Variants in TAF8 observed in about 807,000 individuals in gnomAD.
TAF8 encodes transcription initiation factor TFIID subunit 8.
Under a neutral mutation model 36.5 loss-of-function variants are expected in TAF8, and 47 were observed. The ratio of observed to expected loss-of-function variants is 1.29; its 90% CI spans 1.02 to 1.64. The LOEUF (loss-of-function observed/expected upper bound fraction) is 1.64. TAF8 is among the 40% of genes most tolerant of loss of function. TAF8 has a pLI of 0.00. For missense variants in TAF8, 420 were observed against 407.6 expected (o/e 1.03, Z -0.26); for synonymous variants, 175 against 159.5 (o/e 1.10, Z -0.73).
chr6:42,061,920 G>A (rs974330940), intron 5 of TAF8, among the ~76,000 whole-genome samples: 3 of 152,106 alleles, frequency 2.0e-5, no homozygotes, highest in Non-Finnish European at 4.4e-5. Flanking sequence ...CATTCGTTTA[G>A]CCAAAATGAT....
At chr6:42,068,204 A>C (rs1243240164) in intron 6 of TAF8, among the ~76,000 whole-genome samples, 1 of 152,226 alleles carries the variant, frequency 6.6e-6, no homozygotes, top group Non-Finnish European at 1.5e-5. Flanking sequence ...TTAGAATCCC[A>C]TTCTGCCATT....
chr6:42,052,091 C>T (rs992107603), intron 2 of TAF8, among the ~76,000 whole-genome samples: 11 of 152,180 alleles, frequency 7.2e-5, no homozygotes, highest in African/African-American at 2.7e-4. Flanking sequence ...ACCTCAATTT[C>T]CTCATTTCTG....
At chr6:42,084,966 T>A (rs976634158), downstream of TAF8, among the ~76,000 whole-genome samples, 6 of 152,258 alleles carry the variant, frequency 3.9e-5, no homozygotes, top group Admixed American at 2.6e-4. Flanking sequence ...ATTGCCTCTC[T>A]CCAGACTAAA....
chr6:42,073,015 G>A (rs1185297458), intron 7 of TAF8, among the ~76,000 whole-genome samples: 3 of 152,142 alleles, frequency 2.0e-5, no homozygotes, highest in Non-Finnish European at 2.9e-5. Context: ...GAGCCACCAC[G>A]CCCAGCCAAT....
In TAF8 at chr6:42,051,446, G is replaced by T. The variant is rs1764782396; in HGVS notation, c.135G>T (p.Leu45=). The part of the protein sequence containing the change: ...RTLQVVVSSL[L]TEAGFESAEK... ...TGCAGGTGGTTGTGAGCTCCTTGCT[G>T]ACAGAGGCAGGGTTTGAGAGTGCCG... is the stretch of plus-strand genomic sequence containing the variant. The change falls in exon 2 of 9, where the codon CTG becomes CTT. Residue 45 remains leucine (L), a synonymous_variant. Coordinates refer to ENST00000372977, the MANE Select transcript of TAF8 (RefSeq NM_138572.3). 2 of 1,614,122 alleles carry T rather than the reference G, an allele frequency of 1.2e-6. No individual in the cohort carries two copies. Among genetic ancestry groups the T allele is most frequent in the Non-Finnish European group, 1.7e-6 (2 of 1,180,006 alleles).
Position 42,079,910 on chromosome 6 carries a change from T to G in TAF8, c.*2365T>G. On this transcript the variant is annotated 3_prime_UTR_variant, in exon 9 of 9. Coordinates refer to ENST00000372977, the MANE Select transcript of TAF8 (RefSeq NM_138572.3). Reference sequence around the variant, plus strand: ...TTGGAAACTTGAAAAACTTGGGGACTTGACAGCAGGCTCCATGTTCTTCTG... The same window carrying G: ...TTGGAAACTTGAAAAACTTGGGGACGTGACAGCAGGCTCCATGTTCTTCTG... 1 of 985,230 alleles carries G rather than the reference T, an allele frequency of 1.0e-6. No individual in the cohort carries two copies. The highest frequency in any genetic ancestry group is 1.2e-6 in the Non-Finnish European group (1 of 829,920). 61.0% of individuals were successfully genotyped at this position (985,230 alleles called of 1,614,324 possible). A position where few individuals can be genotyped will look rare whatever the true frequency, so the allele number is the denominator to read the frequency against.
intron 6 of TAF8, 66 bp downstream of exon 6, chr6:42,066,525 T>C: frequency 6.4e-7 from 1 of 1,566,748 alleles, no homozygotes; most frequent in South Asian, 1.1e-5. Flanking sequence ...TTTCTTTCTC[T>C]CAGCATGGTA....
At chr6:42,073,923 G>A (rs924708358) in intron 7 of TAF8, among the ~76,000 whole-genome samples, 2 of 152,160 alleles carry the variant, frequency 1.3e-5, no homozygotes, top group African/African-American at 4.8e-5. Flanking sequence ...GGTGGAAGTG[G>A]TCAGTGCCTG....
At chr6:42,052,596 A>G (rs1013508375) in intron 2 of TAF8, among the ~76,000 whole-genome samples, 4 of 152,218 alleles carry the variant, frequency 2.6e-5, no homozygotes, top group African/African-American at 4.8e-5. Flanking sequence ...TGCTGGGATT[A>G]CAGGCATGAG....
Position 42,078,839 on chromosome 6 carries a change from G to A in TAF8, c.*1294G>A. The A allele has an allele frequency of 1.0e-6, 1 of 985,302 alleles. No homozygotes were observed. The allele number at this position is 985,302 out of a possible 1,614,324, so 61.0% of individuals were successfully genotyped here. A position where few individuals can be genotyped will look rare whatever the true frequency, so the allele number is the denominator to read the frequency against. On this transcript the variant is annotated 3_prime_UTR_variant, in exon 9 of 9. Transcript: ENST00000372977. ...ATGGGGTTTAAACAGTAGGAAAGAG[G>A]GGCTACGCGCAGTGGCTCACGCCTG... is the stretch of plus-strand genomic sequence containing the variant.
At position 42,077,767 on chromosome 6, in the gene TAF8, T is replaced by C. The variant is rs1358310676; in HGVS notation, c.*222T>C. The C allele has an allele frequency of 1.1e-5, 15 of 1,401,548 alleles. No homozygotes were observed. The highest frequency in any genetic ancestry group is 1.3e-5 in the Non-Finnish European group (14 of 1,080,326). 86.8% of individuals were successfully genotyped at this position (1,401,548 alleles called of 1,614,324 possible). On this transcript the variant is annotated 3_prime_UTR_variant, in exon 9 of 9. Coordinates refer to ENST00000372977, the MANE Select transcript of TAF8 (RefSeq NM_138572.3). The stretch of plus-strand genomic sequence containing the variant: ...AACAGAATAATGAGAATTTTTTTTT[T>C]TATTTTGAGATGGAGTCTTACTCTA...
At chr6:42,063,016 C>T (rs1335678801) in intron 5 of TAF8, among the ~76,000 whole-genome samples, 2 of 152,202 alleles carry the variant, frequency 1.3e-5, no homozygotes. Context: ...AGTAAGACCT[C>T]ATCTTCACTG....
intron 5 of TAF8, among the ~76,000 whole-genome samples, chr6:42,058,619 G>A (rs760527752): frequency 1.2e-4 from 18 of 152,156 alleles, no homozygotes; most frequent in Non-Finnish European, 2.4e-4. Context: ...ATACCTTAGG[G>A]TGGGGGAGAG....
At chr6:42,050,937 C>A in intron 1 of TAF8, 1 of 1,125,650 alleles carries the variant, frequency 8.9e-7, no homozygotes, top group Non-Finnish European at 1.1e-6. Flanking sequence ...TATCTTTTGC[C>A]CTCCTCTCCT....
chr6:42,057,798 A>G, intron 5 of TAF8: 1 of 400,334 alleles, frequency 2.5e-6, no homozygotes, highest in Non-Finnish European at 4.4e-6. Context: ...AATTCAGATT[A>G]TCTTTCATAA....
At chr6:42,056,447 G>C (rs531865033) in intron 4 of TAF8, 2 of 193,696 alleles carry the variant, frequency 1.0e-5, no homozygotes, top group Non-Finnish European at 2.1e-5. Flanking sequence ...AGTTGTGGTA[G>C]AGACTGTACC....
At chr6:42,074,834 CCTA>C (rs1439317579) in intron 7 of TAF8, among the ~76,000 whole-genome samples, 10 of 112,910 alleles carry the variant, frequency 8.9e-5, no homozygotes. Context: ...CCACGCCTGG[CCTA>C]CTTTTTTTTT....
Position 42,077,855 on chromosome 6 carries a change from C to T in TAF8, c.*310C>T. The T allele has an allele frequency of 1.3e-6, 1 of 787,490 alleles. No individual in the cohort carries two copies. Among genetic ancestry groups the T allele is most frequent in the Non-Finnish European group, 1.7e-6 (1 of 591,320 alleles). The allele number at this position is 787,490 out of a possible 1,614,324, so 48.8% of individuals were successfully genotyped here. ...ACTGCAGTCTCAGCAACCCTGGGTC[C>T]AAGTGATTCTCCTGCCTTGGCCTCC... On this transcript the variant is annotated 3_prime_UTR_variant, in exon 9 of 9. Coordinates refer to ENST00000372977, the MANE Select transcript of TAF8 (RefSeq NM_138572.3).
chr6:42,056,833 T>A (rs1765006090), intron 4 of TAF8, among the ~76,000 whole-genome samples: 1 of 152,188 alleles, frequency 6.6e-6, no homozygotes, highest in Non-Finnish European at 1.5e-5. Context: ...CTCGAACTCC[T>A]GACCTCGAGT....
Sources: allele counts gnomAD v4.1 joint callset (sites outside exome capture counted in the v4.1 genomes callset), GRCh38; gene constraint gnomAD v4.1.1; transcripts MANE v1.5; gene names NCBI Gene and HGNC (gene_info 2026-07-23, HGNC 2026-07-21).